Variants in CACNA2D1 observed in about 807,000 individuals in gnomAD.
The protein encoded by CACNA2D1 is calcium voltage-gated channel auxiliary subunit alpha2delta 1, also known as voltage-dependent calcium channel subunit alpha-2/delta-1.
CACNA2D1 carries 53 observed loss-of-function variants against 171.5 expected under a neutral mutation model. The ratio of observed to expected loss-of-function variants is 0.31; its 90% CI spans 0.25 to 0.39. CACNA2D1 has a LOEUF of 0.39. Among genes scored for constraint, CACNA2D1 ranks in the 10% least tolerant of loss-of-function variants. The pLI is 1.00. For missense variants in CACNA2D1, 903 were observed against 1,299.8 expected (o/e 0.69, Z 4.69); for synonymous variants, 442 against 443.1 (o/e 1.00, Z 0.03).
intron 10 of CACNA2D1, among the ~76,000 whole-genome samples, chr7:82,056,329 A>G (rs1288078106): frequency 6.6e-6 from 1 of 152,208 alleles, no homozygotes; most frequent in African/African-American, 2.4e-5. Context: ...TTCCTCATAC[A>G]TAGTTTTGGA....
At chr7:82,329,742 C>T (rs1449154094) in intron 3 of CACNA2D1, among the ~76,000 whole-genome samples, 1 of 151,974 alleles carries the variant, frequency 6.6e-6, no homozygotes, top group Admixed American at 6.6e-5. Flanking sequence ...TGCAGGGAGC[C>T]AGTTCCTGAG....
At chr7:82,158,769 A>C (rs13238324) in intron 4 of CACNA2D1, among the ~76,000 whole-genome samples, 60,479 of 151,670 alleles carry the variant, frequency 0.4, 12,302 homozygotes, top group Middle Eastern at 0.53. Flanking sequence ...AATTTCTGTC[A>C]TCTTGGCTGG....
At chr7:82,215,415 A>C (rs555770887) in intron 3 of CACNA2D1, among the ~76,000 whole-genome samples, 1 of 152,332 alleles carries the variant, frequency 6.6e-6, no homozygotes, top group African/African-American at 2.4e-5. Flanking sequence ...ACGCAGACCA[A>C]ACCGCAGGGT....
intron 4 of CACNA2D1, among the ~76,000 whole-genome samples, chr7:82,150,282 CA>C (rs796161747): frequency 1.4e-4 from 14 of 103,218 alleles, no homozygotes; most frequent in East Asian, 2.9e-4. Flanking sequence ...AAAACAACAA[CA>C]AAAAAAAACA....
chr7:82,155,691 C>T (rs756159864), intron 4 of CACNA2D1, among the ~76,000 whole-genome samples: 4 of 152,104 alleles, frequency 2.6e-5, no homozygotes, highest in East Asian at 1.9e-4. Flanking sequence ...TCTCTGCTTC[C>T]GCAAATCTCC....
chr7:81,951,974 T>TTTTTTTTTTTTTGTTTTG (rs1554321704), intron 38 of CACNA2D1, among the ~76,000 whole-genome samples: 1 of 147,720 alleles, frequency 6.8e-6, no homozygotes, highest in African/African-American at 2.5e-5. Context: ...AAAGTGTTTT[T>TTTTTTTTTTTTTGTTTTG]TTTTTTTTTT....
chr7:82,109,206 C>T, intron 6 of CACNA2D1, among the ~76,000 whole-genome samples: 1 of 151,742 alleles, frequency 6.6e-6, no homozygotes, highest in Non-Finnish European at 1.5e-5. Context: ...TAATGATGTA[C>T]TTTCCAGAAT....
At chr7:82,194,488 A>G (rs781451047) in intron 3 of CACNA2D1, among the ~76,000 whole-genome samples, 63 of 152,016 alleles carry the variant, frequency 4.1e-4, no homozygotes, top group Non-Finnish European at 8.4e-4. Flanking sequence ...AAGTAGTTAC[A>G]TAGTGGATCT....
At chr7:82,190,376 G>A (rs1398930135) in intron 3 of CACNA2D1, among the ~76,000 whole-genome samples, 2 of 151,720 alleles carry the variant, frequency 1.3e-5, no homozygotes, top group African/African-American at 4.8e-5. Flanking sequence ...TCTGCTCCGT[G>A]GCACAAAGGA....
At chr7:82,209,070 T>C (rs944160611) in intron 3 of CACNA2D1, among the ~76,000 whole-genome samples, 2 of 152,178 alleles carry the variant, frequency 1.3e-5, no homozygotes, top group Non-Finnish European at 1.5e-5. Flanking sequence ...AATGAAGCAA[T>C]TCCAGATTCA....
chr7:82,061,582 C>A (rs916180485), intron 9 of CACNA2D1, among the ~76,000 whole-genome samples: 1 of 152,176 alleles, frequency 6.6e-6, no homozygotes, highest in East Asian at 1.9e-4. Context: ...CTCCCTGTAA[C>A]CACCCAACAG....
Position 81,997,223 on chromosome 7 carries a change from A to G in CACNA2D1, c.1618T>C (p.Leu540=), listed in dbSNP as rs1459896822. 3.7e-6 allele frequency: 6 copies of G among 1,606,516 alleles called. No homozygotes were observed. In the African/African-American group the frequency reaches 8.0e-5, roughly 22 times the overall value. Residue 540 remains leucine, a synonymous_variant, in exon 19 of 39, where the codon TTG becomes CTG. Coordinates refer to ENST00000356860, the MANE Select transcript of CACNA2D1 (RefSeq NM_000722.4). The part of the protein sequence containing the change: ...KNPKSQEPVT[L]DFLDAELEND... The stretch of plus-strand genomic sequence containing the variant: ...TCTAACTCTGCATCAAGGAAATCCA[A>G]TGTTACTGGCTCCTGAGATTTGGGG...
intron 1 of CACNA2D1, chr7:82,410,504 T>C: frequency 1.0e-6 from 1 of 985,348 alleles, no homozygotes; most frequent in Non-Finnish European, 1.2e-6. Flanking sequence ...AATTACCTCT[T>C]TCATGAGCTC....
At chr7:82,260,837 C>T (rs932333141) in intron 3 of CACNA2D1, among the ~76,000 whole-genome samples, 1 of 152,212 alleles carries the variant, frequency 6.6e-6, no homozygotes, top group East Asian at 1.9e-4. Flanking sequence ...ACTCAACAAA[C>T]TTAAATGGTT....
At chr7:82,404,920 A>G (rs1826853070) in intron 1 of CACNA2D1, among the ~76,000 whole-genome samples, 1 of 152,340 alleles carries the variant, frequency 6.6e-6, no homozygotes, top group East Asian at 1.9e-4. Flanking sequence ...TACTTGGGAC[A>G]GTGCGTAGAG....
intron 3 of CACNA2D1, among the ~76,000 whole-genome samples, chr7:82,268,850 G>C (rs2129345710): frequency 6.6e-6 from 1 of 152,266 alleles, no homozygotes; most frequent in South Asian, 2.1e-4. Context: ...AGGAAGCAAA[G>C]GGTGGCTGGG....
Position 82,032,896 on chromosome 7 carries a change from A to C in CACNA2D1, c.1044T>G (p.Asn348Lys). The change falls in exon 12 of 39, where the codon AAT becomes AAG. Residue 348 changes from asparagine to lysine, a missense_variant. Around this residue, in one of 5 missense-constraint regions of CACNA2D1, gnomAD observed 623 missense variants for 925.5 expected, o/e 0.67. Coordinates refer to ENST00000356860, the MANE Select transcript of CACNA2D1 (RefSeq NM_000722.4). ...TCTTATTGCAGTTTGCTCTGGAAAC[A>C]TTATACTGTTAAAAACAAAACCAAA... The part of the protein sequence containing the change: ...SFAFEQLLNY[N>K]VSRANCNKII... The C allele has an allele frequency of 6.4e-7, 1 of 1,566,278 alleles. No homozygotes were observed. Among genetic ancestry groups the C allele is most frequent in the Non-Finnish European group, 8.8e-7 (1 of 1,137,858 alleles).
At chr7:82,390,370 T>C (rs570155529) in intron 1 of CACNA2D1, among the ~76,000 whole-genome samples, 134 of 152,306 alleles carry the variant, frequency 8.8e-4, no homozygotes, top group African/African-American at 3.1e-3. Context: ...TTATGATATG[T>C]CTATTTAAAA....
intron 3 of CACNA2D1, among the ~76,000 whole-genome samples, chr7:82,181,227 TAAAC>T (rs1241010069): frequency 6.6e-6 from 1 of 151,974 alleles, no homozygotes; most frequent in African/African-American, 2.4e-5. Flanking sequence ...GTAACCATGT[TAAAC>T]AAATTTATGA....
Sources: gnomAD v4.1 joint callset for allele counts (sites outside exome capture counted in the v4.1 genomes callset) on GRCh38, gnomAD v4.1.1 for gene constraint, gnomAD v4.1.1 regional missense constraint, MANE v1.5 for transcripts, NCBI Gene and HGNC (gene_info 2026-07-23, HGNC 2026-07-21) for gene names.